The following EHHADH variants were observed in gnomAD, a reference collection of about 807,000 sequenced individuals.
The protein encoded by EHHADH is enoyl-CoA hydratase and 3-hydroxyacyl CoA dehydrogenase.
Under a neutral mutation model 64.4 loss-of-function variants are expected in EHHADH, and 48 were observed. The ratio of observed to expected loss-of-function variants is 0.75; its 90% CI spans 0.59 to 0.95. The LOEUF (loss-of-function observed/expected upper bound fraction) is 0.95. EHHADH is among the 40% of genes least tolerant of loss of function. EHHADH has a pLI of 0.00. For missense variants in EHHADH, 854 were observed against 876.6 expected (o/e 0.97, Z 0.33); for synonymous variants, 308 against 326.7 (o/e 0.94, Z 0.62).
intron 2 of EHHADH, among the ~76,000 whole-genome samples, chr3:185,243,307 C>G (rs943046239): frequency 6.6e-6 from 1 of 152,190 alleles, no homozygotes; most frequent in Non-Finnish European, 1.5e-5. Context: ...CATTCTGGAG[C>G]TAAAATTCAC....
At chr3:185,224,936 C>G (rs1468669600) in intron 4 of EHHADH, among the ~76,000 whole-genome samples, 4 of 152,136 alleles carry the variant, frequency 2.6e-5, no homozygotes, top group Admixed American at 1.3e-4. Context: ...ATCACACGTA[C>G]AAAGGTTATT....
intron 4 of EHHADH, among the ~76,000 whole-genome samples, chr3:185,221,995 T>C (rs943609923): frequency 2.0e-5 from 3 of 152,212 alleles, no homozygotes; most frequent in Non-Finnish European, 4.4e-5. Context: ...TTAAAAATTA[T>C]GGAGAACTCC....
intron 1 of EHHADH, chr3:185,253,321 G>A (rs1719799567): frequency 1.3e-5 from 2 of 148,730 alleles, no homozygotes; most frequent in Admixed American, 1.4e-4. Context: ...AGGACAGCCT[G>A]GACTCAAAGA....
intron 6 of EHHADH, among the ~76,000 whole-genome samples, chr3:185,199,935 T>C (rs541445023): frequency 6.6e-6 from 1 of 152,182 alleles, no homozygotes; most frequent in Non-Finnish European, 1.5e-5. Flanking sequence ...TGCACAACGG[T>C]AGACGTGGGT....
chr3:185,201,026 G>T (rs1202492763), intron 6 of EHHADH, among the ~76,000 whole-genome samples: 1 of 152,170 alleles, frequency 6.6e-6, no homozygotes. Flanking sequence ...AAGGGGAGCT[G>T]ATCAAGTAAT....
intron 5 of EHHADH, among the ~76,000 whole-genome samples, chr3:185,211,012 T>A (rs1718527063): frequency 6.6e-6 from 1 of 152,230 alleles, no homozygotes; most frequent in African/African-American, 2.4e-5. Context: ...AAACTAAGCA[T>A]ACCCACTGGA....
At chr3:185,243,505 T>C (rs1032304108) in intron 2 of EHHADH, among the ~76,000 whole-genome samples, 10 of 152,218 alleles carry the variant, frequency 6.6e-5, no homozygotes, top group African/African-American at 2.4e-4. Context: ...CTTGTTTTTC[T>C]AGTTCCTTGA....
intron 1 of EHHADH, among the ~76,000 whole-genome samples, chr3:185,249,325 T>C (rs1719682167): frequency 6.6e-6 from 1 of 152,202 alleles, no homozygotes; most frequent in African/African-American, 2.4e-5. Flanking sequence ...AGACGGGGTT[T>C]CACCGTGTTA....
chr3:185,192,776 C>A lies in EHHADH; in HGVS notation c.1622G>T (p.Gly541Val). Residue 541 changes from glycine to valine, a missense_variant, in exon 7 of 7, where the codon GGA becomes GTA. Physicochemically the swap from Gly to Val is moderately radical, Grantham distance 109. Transcript: ENST00000231887. Reference protein sequence around the residue: ...WKSRKGQGLTGPTLLPGTPAR... With the variant: ...WKSRKGQGLTVPTLLPGTPAR... ...AGGAGTTCCTGGAAGCAATGTAGGT[C>A]CAGTAAGACCTTGCCCCTTTCTAGA... The A allele has an allele frequency of 6.2e-7, 1 of 1,614,062 alleles. No homozygotes were observed. Among genetic ancestry groups the A allele is most frequent in the Non-Finnish European group, 8.5e-7 (1 of 1,180,016 alleles).
At chr3:185,227,753 G>A (rs992707746) in intron 4 of EHHADH, among the ~76,000 whole-genome samples, 38 of 152,180 alleles carry the variant, frequency 2.5e-4, no homozygotes, top group African/African-American at 9.2e-4. Context: ...TTGAACCTGG[G>A]AGGCGGAGGT....
intron 4 of EHHADH, among the ~76,000 whole-genome samples, chr3:185,222,433 T>G (rs1244383598): frequency 1.3e-5 from 2 of 152,228 alleles, no homozygotes; most frequent in African/African-American, 4.8e-5. Flanking sequence ...TAAAAATGTT[T>G]CTTTATTAGT....
chr3:185,249,330 G>A (rs574280428), intron 1 of EHHADH, among the ~76,000 whole-genome samples: 4 of 152,218 alleles, frequency 2.6e-5, no homozygotes, highest in African/African-American at 9.6e-5. Context: ...GGGTTTCACC[G>A]TGTTAACCAG....
At chr3:185,227,524 C>G (rs1315145656) in intron 4 of EHHADH, among the ~76,000 whole-genome samples, 1 of 149,546 alleles carries the variant, frequency 6.7e-6, no homozygotes, top group Non-Finnish European at 1.5e-5. Context: ...AAGAGTGAAA[C>G]TCGGTCTCAA....
intron 4 of EHHADH, among the ~76,000 whole-genome samples, chr3:185,223,785 A>T (rs1241699446): frequency 3.3e-5 from 5 of 152,216 alleles, no homozygotes; most frequent in Non-Finnish European, 5.9e-5. Context: ...TTATGAGAAT[A>T]CAGCAGAGCT....
At chr3:185,217,015 T>C (rs1260742713) in intron 5 of EHHADH, among the ~76,000 whole-genome samples, 1 of 56,874 alleles carries the variant, frequency 1.8e-5, no homozygotes, top group Non-Finnish European at 5.4e-5. Context: ...TAACTCAGTT[T>C]GCGGAGACAG....
intron 6 of EHHADH, 34 bp downstream of exon 6, chr3:185,204,382 T>A: frequency 1.3e-6 from 2 of 1,549,636 alleles, no homozygotes; most frequent in Non-Finnish European, 1.7e-6. Context: ...ATGAGCAGAT[T>A]TGGAGGATTC....
At chr3:185,252,889 T>C (rs1332212546) in intron 1 of EHHADH, among the ~76,000 whole-genome samples, 1 of 152,142 alleles carries the variant, frequency 6.6e-6, no homozygotes, top group East Asian at 1.9e-4. Context: ...ACTAATCTTA[T>C]TCCCTGTGGA....
At position 185,208,301 on chromosome 3, in the gene EHHADH, G is replaced by T. The variant is rs528561474; in HGVS notation, c.569-3544C>A. ...AACCGCTTGAGTGAGTTTGAAAGCA[G>T]ATTCTCCCCCTGACCCCTAATCAAC... On this transcript the variant is annotated intron_variant, in intron 5 of 6. Transcript: ENST00000231887. Among the ~76,000 whole-genome samples, 4 of 152,318 alleles carry T rather than the reference G, an allele frequency of 2.6e-5. No individual in the cohort carries two copies. In the South Asian group the frequency reaches 8.3e-4, roughly 32 times the overall value.
At chr3:185,223,887 A>G (rs1322926716) in intron 4 of EHHADH, among the ~76,000 whole-genome samples, 2 of 152,236 alleles carry the variant, frequency 1.3e-5, no homozygotes, top group Admixed American at 6.5e-5. Flanking sequence ...TTGATTGGAC[A>G]GAGAACATCA....
Sources: allele counts gnomAD v4.1 joint callset (sites outside exome capture counted in the v4.1 genomes callset), GRCh38; gene constraint gnomAD v4.1.1; transcripts MANE v1.5; gene names NCBI Gene and HGNC (gene_info 2026-07-23, HGNC 2026-07-21).